Variants in ZFHX4 observed in about 807,000 individuals in gnomAD.
ZFHX4 encodes zinc finger homeobox protein 4.
ZFHX4 carries 56 observed loss-of-function variants against 267.6 expected under a neutral mutation model. That is an observed-to-expected ratio of 0.21 (90% CI 0.17 to 0.26). ZFHX4 has a LOEUF of 0.26. ZFHX4 is among the 10% of genes least tolerant of loss of function. ZFHX4 has a pLI of 1.00. For missense variants in ZFHX4, 4,332 were observed against 4,420.0 expected (o/e 0.98, Z 0.56); for synonymous variants, 1,778 against 1,665.6 (o/e 1.07, Z -1.64).
chr8:76,801,802 G>A (rs146033312), intron 4 of ZFHX4, among the ~76,000 whole-genome samples: 307 of 151,942 alleles, frequency 2.0e-3, no homozygotes, highest in African/African-American at 7.0e-3. Context: ...TTAAAAGAAG[G>A]TTATTGTTGG....
chr8:76,785,464 G>T (rs112110440), intron 4 of ZFHX4, among the ~76,000 whole-genome samples: 1,735 of 151,956 alleles, frequency 0.011, 38 homozygotes, highest in African/African-American at 0.039. Flanking sequence ...CATTGGGAGA[G>T]GAGGGAAAAA....
At chr8:76,758,937 C>A (rs1033625135) in intron 3 of ZFHX4, among the ~76,000 whole-genome samples, 1 of 152,086 alleles carries the variant, frequency 6.6e-6, no homozygotes, top group African/African-American at 2.4e-5. Context: ...TGAAATACAT[C>A]TGGGAATGTA....
chr8:76,791,469 A>G (rs929217446), intron 4 of ZFHX4, among the ~76,000 whole-genome samples: 3 of 152,140 alleles, frequency 2.0e-5, no homozygotes, highest in Admixed American at 6.5e-5. Flanking sequence ...CCATTTATGT[A>G]CTGTCTTTAT....
chr8:76,781,313 G>A (rs2131779841), intron 4 of ZFHX4, among the ~76,000 whole-genome samples: 1 of 152,092 alleles, frequency 6.6e-6, no homozygotes, highest in Non-Finnish European at 1.5e-5. Flanking sequence ...TTTGTAATGA[G>A]TACATTGTAA....
intron 4 of ZFHX4, among the ~76,000 whole-genome samples, chr8:76,794,692 T>A (rs921201481): frequency 2.0e-5 from 3 of 152,196 alleles, no homozygotes; most frequent in African/African-American, 7.2e-5. Flanking sequence ...AAATTTCTAG[T>A]TTAACCTAAG....
intron 3 of ZFHX4, among the ~76,000 whole-genome samples, chr8:76,715,524 T>A (rs923803756): frequency 2.7e-5 from 4 of 146,298 alleles, no homozygotes; most frequent in Non-Finnish European, 6.0e-5. Context: ...GCAAAATGTG[T>A]CTAATTACAA....
chr8:76,812,177 G>A (rs569058749), intron 4 of ZFHX4, among the ~76,000 whole-genome samples: 4 of 152,260 alleles, frequency 2.6e-5, no homozygotes, highest in African/African-American at 4.8e-5. Context: ...ATGTTTGTAC[G>A]TTGCTTTTTG....
chr8:76,686,271 C>G (rs77741035), intron 1 of ZFHX4, among the ~76,000 whole-genome samples: 1 of 152,172 alleles, frequency 6.6e-6, no homozygotes. Flanking sequence ...GCTCTTTAAT[C>G]TCTGCAAGCT....
At position 76,849,603 on chromosome 8, in the gene ZFHX4, T is replaced by C. The variant is rs376717834; in HGVS notation, c.3737T>C (p.Ile1246Thr). ...TCACAGCACTCGGTGCAGCCGGTCA[T>C]CTGCTGTCCTCTCTGTCAGGACGTC... Reference protein sequence around the residue: ...VLSQHSVQPVICCPLCQDVLS... With the variant: ...VLSQHSVQPVTCCPLCQDVLS... The change falls in exon 8 of 11, where the codon ATC becomes ACC. Residue 1246 changes from isoleucine (I) to threonine (T), a missense_variant. By Grantham distance (89) the Ile-to-Thr change is moderately conservative. This residue lies in a region of ZFHX4 where 1,371 missense variants were observed against 1,423.1 expected (regional missense o/e 0.96). Transcript: ENST00000651372. The C allele has an allele frequency of 7.7e-5, 124 of 1,613,882 alleles. No individual in the cohort carries two copies. Among genetic ancestry groups the C allele is most frequent in the Non-Finnish European group, 1.0e-4 (119 of 1,179,878 alleles).
intron 2 of ZFHX4, 83 bp from the exon 3 acceptor site, chr8:76,707,463 G>A (rs1808305965): frequency 7.8e-7 from 1 of 1,286,232 alleles, no homozygotes; most frequent in South Asian, 1.6e-5. Flanking sequence ...CACATTCCTT[G>A]TCAAGACTTT....
chr8:76,844,212 A>G (rs1812309267), intron 6 of ZFHX4, among the ~76,000 whole-genome samples: 1 of 152,098 alleles, frequency 6.6e-6, no homozygotes, highest in African/African-American at 2.4e-5. Context: ...TCTATGATGG[A>G]CCTTATCAAA....
intron 4 of ZFHX4, among the ~76,000 whole-genome samples, chr8:76,822,693 G>A (rs907493931): frequency 1.3e-5 from 2 of 151,778 alleles, no homozygotes; most frequent in Admixed American, 1.3e-4. Flanking sequence ...CCCCCATCTT[G>A]GCCTCTTAAA....
chr8:76,814,688 TC>T (rs1811458826), intron 4 of ZFHX4, among the ~76,000 whole-genome samples: 1 of 152,166 alleles, frequency 6.6e-6, no homozygotes, highest in South Asian at 2.1e-4. Context: ...GAAACCCCAC[TC>T]CACTAATCTT....
chr8:76,857,742 A>G (rs566736032), intron 10 of ZFHX4, among the ~76,000 whole-genome samples: 3 of 152,086 alleles, frequency 2.0e-5, no homozygotes, highest in African/African-American at 7.2e-5. Context: ...TATCTAGACA[A>G]TTTTGGAGTC....
intron 4 of ZFHX4, among the ~76,000 whole-genome samples, chr8:76,820,087 A>G (rs915209306): frequency 6.6e-6 from 1 of 152,240 alleles, no homozygotes; most frequent in Non-Finnish European, 1.5e-5. Flanking sequence ...TCTATGTCCT[A>G]GTAACAGCAT....
At chr8:76,834,097 T>C (rs1812008346) in intron 5 of ZFHX4, 3 of 447,214 alleles carry the variant, frequency 6.7e-6, no homozygotes, top group Non-Finnish European at 1.3e-5. Flanking sequence ...AATATATATA[T>C]ATCATTGTCT....
chr8:76,810,506 C>T (rs1320019019), intron 4 of ZFHX4, among the ~76,000 whole-genome samples: 1 of 152,120 alleles, frequency 6.6e-6, no homozygotes, highest in Non-Finnish European at 1.5e-5. Flanking sequence ...TTGGAAAGGC[C>T]ATTAACCCTG....
At chr8:76,829,570 G>A (rs1356785707) in intron 4 of ZFHX4, among the ~76,000 whole-genome samples, 4 of 152,052 alleles carry the variant, frequency 2.6e-5, no homozygotes, top group Non-Finnish European at 5.9e-5. Context: ...CAGCACTTTG[G>A]GAGGCCGAGG....
In ZFHX4 at chr8:76,705,552, A is replaced by C. The variant is rs1376395182; in HGVS notation, c.1464A>C (p.Leu488Phe). ...ATGAACTTGATGACGAGGAAGTATT[A>C]GGTGAACTCACCGATAGTATTGGTA... Reference protein sequence around the residue: ...YSNELDDEEVLGELTDSIGNK... With the variant: ...YSNELDDEEVFGELTDSIGNK... Residue 488 changes from leucine to phenylalanine, a missense_variant, in exon 2 of 11, where the codon TTA (leucine) becomes TTC (phenylalanine). Transcript: ENST00000651372. The C allele has an allele frequency of 6.2e-7, 1 of 1,613,506 alleles. No homozygotes were observed. Among genetic ancestry groups the C allele is most frequent in the Admixed American group, 1.7e-5 (1 of 59,942 alleles).
Sources: allele counts gnomAD v4.1 joint callset (sites outside exome capture counted in the v4.1 genomes callset), GRCh38; gene constraint gnomAD v4.1.1; regional missense constraint gnomAD v4.1.1; transcripts MANE v1.5; gene names NCBI Gene and HGNC (gene_info 2026-07-23, HGNC 2026-07-21).